Variants in CYP2C19 observed in about 807,000 individuals in gnomAD.
CYP2C19 encodes the protein cytochrome P450 2C19.
In CYP2C19, 59 loss-of-function variants were observed where a neutral mutation model predicts 40.9. The observed-to-expected ratio is 1.44, with a 90% CI of 1.17 to 1.79. The LOEUF (loss-of-function observed/expected upper bound fraction) is 1.79, where lower values mean the gene tolerates loss of function less well. Ranked by LOEUF, CYP2C19 falls within the 40% of genes most tolerant of loss-of-function variation. CYP2C19 has a pLI of 0.00. For synonymous variants in CYP2C19, 253 were observed against 208.7 expected (o/e 1.21, Z -1.83); for missense variants, 754 against 596.9 (o/e 1.26, Z -2.74).
At chr10:94,792,006 T>C (rs1848611217) in intron 5 of CYP2C19, among the ~76,000 whole-genome samples, 1 of 152,118 alleles carries the variant, frequency 6.6e-6, no homozygotes, top group Non-Finnish European at 1.5e-5. Context: ...CTAAGTCTCT[T>C]TGTAGGTCTC....
intron 5 of CYP2C19, among the ~76,000 whole-genome samples, chr10:94,813,093 G>T (rs1363938552): frequency 6.6e-6 from 1 of 151,668 alleles, no homozygotes; most frequent in Admixed American, 6.6e-5. Context: ...ATTCCTTTCT[G>T]TTTGCTAGTT....
intron 1 of CYP2C19, among the ~76,000 whole-genome samples, chr10:94,763,646 G>C (rs552968432): frequency 3.3e-5 from 5 of 151,940 alleles, no homozygotes; most frequent in African/African-American, 1.2e-4. Context: ...AGAGAATGAG[G>C]CTGTAGTTAT....
chr10:94,804,310 A>G (rs1024954798), intron 5 of CYP2C19, among the ~76,000 whole-genome samples: 1 of 152,126 alleles, frequency 6.6e-6, no homozygotes, highest in Non-Finnish European at 1.5e-5. Context: ...GGAGGGCCCA[A>G]TTCCAGTACC....
At chr10:94,833,533 C>T (rs1241332963) in intron 6 of CYP2C19, among the ~76,000 whole-genome samples, 1 of 152,026 alleles carries the variant, frequency 6.6e-6, no homozygotes. Flanking sequence ...ATGTGCCATG[C>T]TGGTGCGCTG....
At chr10:94,835,480 GA>G (rs1166474516) in intron 6 of CYP2C19, among the ~76,000 whole-genome samples, 1 of 152,194 alleles carries the variant, frequency 6.6e-6, no homozygotes, top group Non-Finnish European at 1.5e-5. Flanking sequence ...TCCCGGAGGG[GA>G]TTACCCCATA....
intron 5 of CYP2C19, among the ~76,000 whole-genome samples, chr10:94,810,283 G>T (rs1029913755): frequency 2.6e-5 from 4 of 152,192 alleles, no homozygotes; most frequent in African/African-American, 9.7e-5. Context: ...GATTCAGTTT[G>T]CCAGTATTTT....
At chr10:94,807,112 T>C (rs1022226514) in intron 5 of CYP2C19, among the ~76,000 whole-genome samples, 9 of 152,138 alleles carry the variant, frequency 5.9e-5, no homozygotes, top group Non-Finnish European at 1.2e-4. Context: ...CTTTCTTAGC[T>C]ACCATATAAG....
chr10:94,762,830 T>G lies in CYP2C19; in HGVS notation c.125T>G (p.Ile42Ser). The change falls in exon 1 of 9, where the codon ATC becomes AGC. Residue 42 changes from isoleucine (I) to serine (S), a missense_variant. By Grantham distance (142) the Ile-to-Ser change is moderately radical. Coordinates refer to ENST00000371321, the MANE Select transcript of CYP2C19 (RefSeq NM_000769.4). The stretch of plus-strand genomic sequence containing the variant: ...ACTCCTCTCCCAGTGATTGGAAATA[T>G]CCTACAGATAGATATTAAGGATGTC... ...GPTPLPVIGN[I>S]LQIDIKDVSK... 6.2e-7 allele frequency: 1 copy of G among 1,613,916 alleles called. No homozygotes were observed.
At position 94,830,377 on chromosome 10, in the gene CYP2C19, A is replaced by G. The variant is rs112247486; in HGVS notation, c.961+9740A>G. On this transcript the variant is annotated intron_variant, in intron 6 of 8. Transcript: ENST00000371321. ...TCGTGGTGCACCGTTTTTTAAGCCC[A>G]TCGGAAAAGCGCAGTATTCGGGTGG... is the stretch of plus-strand genomic sequence containing the variant. Among the ~76,000 whole-genome samples the G allele has an allele frequency of 3.1e-3, 471 of 152,216 alleles. 2 individuals are homozygous for G. Among genetic ancestry groups the G allele is most frequent in the African/African-American group, 0.011 (448 of 41,526 alleles).
rs1368646250 is a variant in CYP2C19, at chr10:94,850,046, C to T, written c.1279C>T (p.Pro427Ser). ...GNFKKSNYFMPFSAGKRICVG... is the reference protein window; with the variant it reads ...GNFKKSNYFMSFSAGKRICVG... The stretch of plus-strand genomic sequence containing the variant: ...TTTTAAGAAAAGTAACTACTTCATG[C>T]CTTTCTCAGCAGGTAATATAAATTT... The change falls in exon 8 of 9, where the codon CCT becomes TCT. Residue 427 changes from proline to serine, a missense_variant. By Grantham distance (74) the Pro-to-Ser change is moderately conservative (BLOSUM62 -1). Coordinates refer to ENST00000371321, the MANE Select transcript of CYP2C19 (RefSeq NM_000769.4). 10 of 1,613,258 alleles carry T rather than the reference C, an allele frequency of 6.2e-6. No individual in the cohort carries two copies. Among genetic ancestry groups the T allele is most frequent in the Non-Finnish European group, 8.5e-6 (10 of 1,179,566 alleles).
intron 5 of CYP2C19, among the ~76,000 whole-genome samples, chr10:94,791,913 G>T (rs942620737): frequency 1.3e-5 from 2 of 152,180 alleles, no homozygotes; most frequent in South Asian, 4.1e-4. Context: ...TCAATTCCTG[G>T]ATATCCTTAT....
At chr10:94,827,790 T>G (rs12772139) in intron 6 of CYP2C19, among the ~76,000 whole-genome samples, 30,598 of 152,132 alleles carry the variant, frequency 0.2, 3,270 homozygotes, top group Middle Eastern at 0.23. Context: ...TGCCTTCTCT[T>G]GTGGGCATTT....
chr10:94,807,128 G>A (rs1848846474), intron 5 of CYP2C19, among the ~76,000 whole-genome samples: 1 of 152,066 alleles, frequency 6.6e-6, no homozygotes, highest in South Asian at 2.1e-4. Flanking sequence ...ATAAGAATAA[G>A]AACATGCGTT....
At position 94,817,937 on chromosome 10, in the gene CYP2C19, C is replaced by T. The variant is rs1367203607; in HGVS notation, c.820-2559C>T. Among the ~76,000 whole-genome samples, 1,358 of 147,770 alleles carry T rather than the reference C, an allele frequency of 9.2e-3. 21 individuals are homozygous for T. The highest frequency in any genetic ancestry group is 0.03 in the African/African-American group (1,186 of 39,798). ...CTGAGGCAGGAGAATGGCGTGAACC[C>T]GGGAGGCGGAGCTTGCAGTGAGCCG... On this transcript the variant is annotated intron_variant, in intron 5 of 8. Transcript: ENST00000371321.
At chr10:94,835,835 C>T (rs1353304294) in intron 6 of CYP2C19, among the ~76,000 whole-genome samples, 1 of 152,102 alleles carries the variant, frequency 6.6e-6, no homozygotes, top group Non-Finnish European at 1.5e-5. Flanking sequence ...ATTAGTTCTG[C>T]CAGCTGAGCA....
intron 7 of CYP2C19, among the ~76,000 whole-genome samples, chr10:94,845,996 G>A (rs562825445): frequency 9.1e-4 from 138 of 151,918 alleles, no homozygotes; most frequent in African/African-American, 2.7e-3. Flanking sequence ...AATAACAATG[G>A]TTTTCTCCTA....
intron 5 of CYP2C19, among the ~76,000 whole-genome samples, chr10:94,784,590 T>C (rs937423970): frequency 6.6e-6 from 1 of 152,054 alleles, no homozygotes; most frequent in African/African-American, 2.4e-5. Context: ...TCCTAGTGAA[T>C]GTAAAGTGGT....
At chr10:94,850,327 G>A (rs188478653) in intron 8 of CYP2C19, among the ~76,000 whole-genome samples, 18 of 152,218 alleles carry the variant, frequency 1.2e-4, no homozygotes, top group Admixed American at 3.9e-4. Context: ...CACCACTGAG[G>A]TACTCAAGAA....
intron 5 of CYP2C19, among the ~76,000 whole-genome samples, chr10:94,811,063 G>A (rs559740928): frequency 2.0e-4 from 31 of 152,188 alleles, no homozygotes; most frequent in East Asian, 9.7e-4. Flanking sequence ...GCTGTGTCTT[G>A]GAGATTCTGG....
Sources: gnomAD v4.1 joint callset for allele counts (sites outside exome capture counted in the v4.1 genomes callset) on GRCh38, gnomAD v4.1.1 for gene constraint, MANE v1.5 for transcripts, NCBI Gene and HGNC (gene_info 2026-07-23, HGNC 2026-07-21) for gene names.